LOXL2: variants seen among roughly 807,000 people sequenced by gnomAD.
LOXL2 encodes the protein lysyl oxidase homolog 2.
Under a neutral mutation model 93.0 loss-of-function variants are expected in LOXL2, and 70 were observed. The observed-to-expected ratio is 0.75, with a 90% confidence interval of 0.62 to 0.92. LOXL2 has a LOEUF of 0.92. Among genes scored for constraint, LOXL2 ranks in the 40% least tolerant of loss-of-function variants. The pLI is 0.00. For synonymous variants in LOXL2, 438 were observed against 413.2 expected (o/e 1.06, Z -0.73); for missense variants, 973 against 1,054.9 (o/e 0.92, Z 1.08).
intron 6 of LOXL2, among the ~76,000 whole-genome samples, chr8:23,323,312 G>A (rs1803526828): frequency 6.6e-6 from 1 of 152,204 alleles, no homozygotes; most frequent in African/African-American, 2.4e-5. Flanking sequence ...AAAACCCTAT[G>A]TTAGGAAAGA....
At chr8:23,328,745 G>GTGTGTC in intron 5 of LOXL2, 180 bp from the exon 6 acceptor site, 2 of 616,304 alleles carry the variant, frequency 3.2e-6, no homozygotes, top group Non-Finnish European at 5.7e-6. Flanking sequence ...GTGTGTGTGT[G>GTGTGTC]TCGTGGGTGT....
intron 10 of LOXL2, among the ~76,000 whole-genome samples, chr8:23,306,935 T>C (rs1803238827): frequency 2.0e-5 from 3 of 152,220 alleles, no homozygotes; most frequent in Admixed American, 1.3e-4. Flanking sequence ...CGGGGGCACT[T>C]TCCTCCAGGT....
chr8:23,299,250 G>C (rs1803087363), intron 12 of LOXL2, among the ~76,000 whole-genome samples: 1 of 152,180 alleles, frequency 6.6e-6, no homozygotes, highest in Non-Finnish European at 1.5e-5. Flanking sequence ...TCTGGGGAAG[G>C]CAGAAGTTGG....
intron 3 of LOXL2, among the ~76,000 whole-genome samples, chr8:23,352,618 T>A (rs1430627281): frequency 6.6e-6 from 1 of 152,066 alleles, no homozygotes; most frequent in Non-Finnish European, 1.5e-5. Context: ...GGCAGCTAAC[T>A]GTGACTAATA....
rs536870150 is a variant in LOXL2 at position 23,385,403 on chromosome 8, C to T, written c.-83-16969G>A. On this transcript the variant is annotated intron_variant, in intron 1 of 13. Coordinates refer to ENST00000389131, the MANE Select transcript of LOXL2 (RefSeq NM_002318.3). ...CTGGGATTACAGGCACACACCACCA[C>T]ACCCAGCTAATTTTTTTTTTTTTTT... 1.1e-4 allele frequency among the ~76,000 whole-genome samples: 15 copies of T among 135,534 alleles called. No homozygotes were observed. The East Asian group carries it at 3.5e-3, about 31-fold the overall frequency. 88.9% of individuals were successfully genotyped at this position (135,534 alleles called of 152,430 possible). A position where few individuals can be genotyped will look rare whatever the true frequency, so the allele number is the denominator to read the frequency against.
At chr8:23,321,976 C>G (rs949240781) in intron 7 of LOXL2, 154 bp downstream of exon 7, 1 of 840,466 alleles carries the variant, frequency 1.2e-6, no homozygotes, top group South Asian at 1.7e-5. Context: ...GCCCGAGGTT[C>G]GAGGGGGAAC....
intron 1 of LOXL2, among the ~76,000 whole-genome samples, chr8:23,383,480 T>TA (rs1804708030): frequency 6.6e-6 from 1 of 152,102 alleles, no homozygotes; most frequent in South Asian, 2.1e-4. Flanking sequence ...GCCGAGTGAA[T>TA]AAATATAAAT....
rs1385808440 is a variant in LOXL2 at position 23,368,428 on chromosome 8, G to A, written c.-77C>T. On this transcript the variant is annotated 5_prime_UTR_variant, in exon 2 of 14. Coordinates refer to ENST00000389131, the MANE Select transcript of LOXL2 (RefSeq NM_002318.3). ...GACAGGCGGGGTACAGAAGCAGCAGGAGCTTTCTGGAAGAGAGGAGAGATG... is the reference window on the plus strand; with the variant it reads ...GACAGGCGGGGTACAGAAGCAGCAGAAGCTTTCTGGAAGAGAGGAGAGATG... 5.6e-6 allele frequency: 7 copies of A among 1,250,182 alleles called. No individual in the cohort carries two copies. Among genetic ancestry groups the A allele is most frequent in the African/African-American group, 4.4e-5 (3 of 68,468 alleles). The allele number at this position is 1,250,182 out of a possible 1,614,324, so 77.4% of individuals were successfully genotyped here.
intron 1 of LOXL2, among the ~76,000 whole-genome samples, chr8:23,396,034 A>G (rs1234104097): frequency 6.6e-6 from 1 of 152,136 alleles, no homozygotes; most frequent in Non-Finnish European, 1.5e-5. Context: ...ACTTAAGAAG[A>G]GAGAGAAGTC....
rs1032299332 is a variant in LOXL2, at chr8:23,384,999, G to A, written c.-83-16565C>T. On this transcript the variant is annotated intron_variant, in intron 1 of 13. Coordinates refer to ENST00000389131, the MANE Select transcript of LOXL2 (RefSeq NM_002318.3). The stretch of plus-strand genomic sequence containing the variant: ...AGAAGGTGCAAAGAGGCAATTTGCT[G>A]TAACCTTTGGGGTTCTGGTAATTTT... 2.6e-5 allele frequency among the ~76,000 whole-genome samples: 4 copies of A among 152,338 alleles called. No homozygotes were observed. In the East Asian group the frequency reaches 5.8e-4, roughly 22 times the overall value.
Position 23,309,951 on chromosome 8 carries a change from C to G in LOXL2, c.1637-40G>C, listed in dbSNP as rs73671503. The G allele has an allele frequency of 4.4e-3, 6,204 of 1,421,298 alleles. 255 individuals are homozygous for G. The African/African-American group carries it at 0.082, about 19-fold the overall frequency. 88.0% of individuals were successfully genotyped at this position (1,421,298 alleles called of 1,614,324 possible). Reference sequence around the variant, plus strand: ...ATGCTGGTCAACAAGGCAAGAGACCCCTCCCCAGGGCTTCTACTTCTGATT... The same window carrying G: ...ATGCTGGTCAACAAGGCAAGAGACCGCTCCCCAGGGCTTCTACTTCTGATT... On this transcript the variant is annotated intron_variant, in intron 9 of 13. Transcript: ENST00000389131.
intron 5 of LOXL2, among the ~76,000 whole-genome samples, chr8:23,330,898 CCT>C (rs1193163195): frequency 1.3e-5 from 2 of 152,012 alleles, no homozygotes; most frequent in Non-Finnish European, 2.9e-5. Context: ...GGTGTGGTCC[CCT>C]CTGTGCTCTT....
chr8:23,330,302 C>T (rs1803651251), intron 5 of LOXL2, among the ~76,000 whole-genome samples: 2 of 152,200 alleles, frequency 1.3e-5, no homozygotes, highest in African/African-American at 4.8e-5. Context: ...CCACTGCATT[C>T]TGGCCTGGGC....
intron 12 of LOXL2, among the ~76,000 whole-genome samples, chr8:23,301,024 C>A (rs912046950): frequency 6.6e-6 from 1 of 152,262 alleles, no homozygotes; most frequent in East Asian, 1.9e-4. Flanking sequence ...CCCAGGAATT[C>A]TCTGAAAGCC....
chr8:23,351,494 G>T (rs762368211), intron 3 of LOXL2, among the ~76,000 whole-genome samples: 2 of 152,224 alleles, frequency 1.3e-5, no homozygotes, highest in Non-Finnish European at 2.9e-5. Flanking sequence ...TTCAAAGTTT[G>T]AGTACATCCT....
intron 3 of LOXL2, among the ~76,000 whole-genome samples, chr8:23,358,561 G>C (rs1804234776): frequency 6.6e-6 from 1 of 152,234 alleles, no homozygotes; most frequent in South Asian, 2.1e-4. Flanking sequence ...GGTGGCATCT[G>C]ACATGTTCCT....
intron 13 of LOXL2, 115 bp downstream of exon 13, chr8:23,298,721 T>C (rs1035122885): frequency 3.2e-5 from 21 of 658,502 alleles, no homozygotes; most frequent in Non-Finnish European, 5.3e-5. Flanking sequence ...TGTGGAAATG[T>C]GATGCTGGCT....
chr8:23,324,448 G>T (rs11782403), intron 6 of LOXL2, among the ~76,000 whole-genome samples: 1,833 of 152,312 alleles, frequency 0.012, 21 homozygotes, highest in Non-Finnish European at 0.018. Flanking sequence ...TCCGTGGGGG[G>T]TTGGGCAGGG....
chr8:23,362,661 A>G (rs1307383367), intron 2 of LOXL2, among the ~76,000 whole-genome samples: 1 of 152,116 alleles, frequency 6.6e-6, no homozygotes, highest in Non-Finnish European at 1.5e-5. Context: ...TTGAGCCCAG[A>G]AGGTTGAGGC....
Sources: gnomAD v4.1 joint callset for allele counts (sites outside exome capture counted in the v4.1 genomes callset) on GRCh38, gnomAD v4.1.1 for gene constraint, MANE v1.5 for transcripts, NCBI Gene and HGNC (gene_info 2026-07-23, HGNC 2026-07-21) for gene names.